Variants in THSD4 observed in about 807,000 individuals in gnomAD.
THSD4 encodes thrombospondin type-1 domain-containing protein 4.
THSD4 carries 69 observed loss-of-function variants against 119.0 expected under a neutral mutation model. The ratio of observed to expected loss-of-function variants is 0.58; its 90% CI spans 0.48 to 0.71. The LOEUF is 0.71. THSD4 is among the 30% of genes least tolerant of loss of function. THSD4 has a pLI of 0.00. For missense variants in THSD4, 1,393 were observed against 1,391.1 expected, an observed-to-expected ratio of 1.00 and a Z score of -0.02; for synonymous variants, 524 against 540.4, an observed-to-expected ratio of 0.97 and a Z score of 0.42.
chr15:71,143,665 T>G (rs1356461419), intron 2 of THSD4, among the ~76,000 whole-genome samples: 2 of 151,456 alleles, frequency 1.3e-5, no homozygotes, highest in Non-Finnish European at 2.9e-5. Context: ...TTTTTCTTAA[T>G]GTCTTGGATT....
In THSD4 at chr15:71,666,432, G is replaced by A. The variant is rs560416851; in HGVS notation, c.1357+5698G>A. On this transcript the variant is annotated intron_variant, in intron 8 of 17. Transcript: ENST00000261862. ...TTTCATCACCCAGGTATTAAACCTA[G>A]TACCCCTAAGTTATTTTTCCTGATC... 2.0e-5 allele frequency among the ~76,000 whole-genome samples: 3 copies of A among 152,168 alleles called. No homozygotes were observed. In the East Asian group the frequency reaches 5.8e-4, roughly 29 times the overall value.
chr15:71,644,302 A>T (rs961486487), intron 7 of THSD4, among the ~76,000 whole-genome samples: 1 of 152,190 alleles, frequency 6.6e-6, no homozygotes, highest in South Asian at 2.1e-4. Flanking sequence ...TCTTCCTTCA[A>T]TTGGTTAGGC....
At chr15:71,597,607 T>G (rs1285226785) in intron 7 of THSD4, among the ~76,000 whole-genome samples, 1 of 151,492 alleles carries the variant, frequency 6.6e-6, no homozygotes, top group African/African-American at 2.5e-5. Flanking sequence ...TTTAATACTT[T>G]GTTTGGAAGA....
rs1389920402 is a variant in THSD4 at position 71,728,742 on chromosome 15, T to C, written c.1533+18T>C. 7 of 1,613,174 alleles carry C rather than the reference T, an allele frequency of 4.3e-6. No individual in the cohort carries two copies. The highest frequency in any genetic ancestry group is 5.9e-6 in the Non-Finnish European group (7 of 1,179,856). ...ATGTCTACGTGAGTTTGGATGTTTC[T>C]GGACTGTTCTTTGGATTTTGAATCT... On this transcript the variant is annotated intron_variant, in intron 9 of 17. Transcript: ENST00000261862.
At chr15:71,766,479 A>C (rs2053719080) in intron 16 of THSD4, among the ~76,000 whole-genome samples, 1 of 152,216 alleles carries the variant, frequency 6.6e-6, no homozygotes, top group African/African-American at 2.4e-5. Context: ...TATATGAATA[A>C]AAGCTGAGAA....
At chr15:71,290,528 C>T (rs1669584980) in intron 6 of THSD4, among the ~76,000 whole-genome samples, 1 of 152,080 alleles carries the variant, frequency 6.6e-6, no homozygotes, top group African/African-American at 2.4e-5. Flanking sequence ...TTTACAATGA[C>T]ATTCAACACT....
rs117817287 is a variant in THSD4, at chr15:71,185,818, C to T, written c.100-29217C>T. ...GCACTGGAGATATGCTGGTGATGTACCCACCCCTCCCTGGAAGAGCCCGGA... is the reference window on the plus strand; with the variant it reads ...GCACTGGAGATATGCTGGTGATGTATCCACCCCTCCCTGGAAGAGCCCGGA... On this transcript the variant is annotated intron_variant, in intron 3 of 17. Coordinates refer to ENST00000261862, the MANE Select transcript of THSD4 (RefSeq NM_024817.3). 241 of 152,136 alleles carry T rather than the reference C, an allele frequency of 1.6e-3. 2 individuals carry two copies. The highest frequency in any genetic ancestry group is 3.4e-3 in the Middle Eastern group (1 of 294). 9.4% of individuals were successfully genotyped at this position (152,136 alleles called of 1,614,324 possible). A position where few individuals can be genotyped will look rare whatever the true frequency, so the allele number is the denominator to read the frequency against.
chr15:71,397,659 G>A (rs1244732355), intron 6 of THSD4, among the ~76,000 whole-genome samples: 1 of 152,202 alleles, frequency 6.6e-6, no homozygotes, highest in East Asian at 1.9e-4. Flanking sequence ...TATGTACTCA[G>A]AGGAAAGAAT....
At chr15:71,098,911 C>T (rs1358723509) in intron 1 of THSD4, among the ~76,000 whole-genome samples, 1 of 152,154 alleles carries the variant, frequency 6.6e-6, no homozygotes, top group Admixed American at 6.5e-5. Context: ...AAATCAGACA[C>T]CTGCAAGCCT....
chr15:71,777,583 C>T lies in THSD4; in HGVS notation c.*209C>T. 1.6e-6 allele frequency: 1 copy of T among 632,998 alleles called. No individual in the cohort carries two copies. The highest frequency in any genetic ancestry group is 2.7e-6 in the Non-Finnish European group (1 of 370,264). The allele number at this position is 632,998 out of a possible 1,614,324, so 39.2% of individuals were successfully genotyped here. A position where few individuals can be genotyped will look rare whatever the true frequency, so the allele number is the denominator to read the frequency against. ...TGAAAGCCACAGTCAGTCCTTTAAG[C>T]ATCACCATGTACTGATGATCCCCTC... is the stretch of plus-strand genomic sequence containing the variant. On this transcript the variant is annotated 3_prime_UTR_variant, in exon 18 of 18. Transcript: ENST00000261862.
chr15:71,447,109 A>ATTTTTTTTTTTTTTTTTTTTTTTTTT (rs1491223591), intron 7 of THSD4, among the ~76,000 whole-genome samples: 1 of 69,448 alleles, frequency 1.4e-5, no homozygotes, highest in Non-Finnish European at 2.7e-5. Context: ...TCTTCCCTCC[A>ATTTTTTTTTTTTTTTTTTTTTTTTTT]TTTTTTTTGT....
At chr15:71,482,295 CT>C (rs33948399) in intron 7 of THSD4, among the ~76,000 whole-genome samples, 3 of 143,600 alleles carry the variant, frequency 2.1e-5, no homozygotes, top group African/African-American at 7.7e-5. Context: ...TGTACTGTAA[CT>C]TTTTTTTTTT....
intron 7 of THSD4, among the ~76,000 whole-genome samples, chr15:71,568,463 G>A (rs1329869720): frequency 1.3e-5 from 2 of 151,902 alleles, no homozygotes; most frequent in Admixed American, 6.6e-5. Context: ...GCTGAATCAG[G>A]ATTCAGGACC....
At chr15:71,536,327 G>A (rs1186878592) in intron 7 of THSD4, among the ~76,000 whole-genome samples, 1 of 152,148 alleles carries the variant, frequency 6.6e-6, no homozygotes, top group African/African-American at 2.4e-5. Context: ...AGCCTGCAAT[G>A]GCAGGTTGAG....
chr15:71,171,092 A>G (rs896892712), intron 3 of THSD4, among the ~76,000 whole-genome samples: 7 of 152,186 alleles, frequency 4.6e-5, no homozygotes, highest in African/African-American at 1.7e-4. Context: ...TTAGAGTACC[A>G]AAAGGAGAAG....
chr15:71,449,460 C>T (rs928972722), intron 7 of THSD4, among the ~76,000 whole-genome samples: 4 of 152,146 alleles, frequency 2.6e-5, no homozygotes, highest in African/African-American at 9.7e-5. Context: ...GTTAATTAAC[C>T]TCTCTGCGCC....
intron 8 of THSD4, among the ~76,000 whole-genome samples, chr15:71,687,186 A>T (rs551399664): frequency 6.6e-6 from 1 of 152,262 alleles, no homozygotes; most frequent in African/African-American, 2.4e-5. Context: ...TAAACTACAG[A>T]CTTCTCACTA....
At chr15:71,146,944 G>T (rs2040668289) in intron 2 of THSD4, among the ~76,000 whole-genome samples, 1 of 152,148 alleles carries the variant, frequency 6.6e-6, no homozygotes, top group Non-Finnish European at 1.5e-5. Flanking sequence ...ACCCAAAAAG[G>T]CTCAATGGAG....
At chr15:71,303,970 T>C (rs2044988381) in intron 6 of THSD4, among the ~76,000 whole-genome samples, 1 of 152,162 alleles carries the variant, frequency 6.6e-6, no homozygotes, top group Non-Finnish European at 1.5e-5. Flanking sequence ...CCACTCTGGC[T>C]ATGACCTTCA....
Sources: allele counts gnomAD v4.1 joint callset (sites outside exome capture counted in the v4.1 genomes callset), GRCh38; gene constraint gnomAD v4.1.1; transcripts MANE v1.5; gene names NCBI Gene and HGNC (gene_info 2026-07-23, HGNC 2026-07-21).